FAM120B: variants seen among roughly 807,000 people sequenced by gnomAD.
The protein encoded by FAM120B is constitutive coactivator of peroxisome proliferator-activated receptor gamma.
A neutral mutation model predicts 96.3 loss-of-function variants in FAM120B; 83 were observed. That is an observed-to-expected ratio of 0.86 (90% confidence interval 0.72 to 1.03). FAM120B has a LOEUF of 1.03. FAM120B is among the 50% of genes least tolerant of loss of function. The pLI is 0.00. For missense variants in FAM120B, 1,027 were observed against 1,121.2 expected (o/e 0.92, Z 1.20); for synonymous variants, 407 against 402.7 (o/e 1.01, Z -0.13).
At chr6:170,376,486 G>T (rs923633385) in intron 6 of FAM120B, among the ~76,000 whole-genome samples, 2 of 151,982 alleles carry the variant, frequency 1.3e-5, no homozygotes, top group Non-Finnish European at 2.9e-5. Context: ...ACGGGGGTGG[G>T]GGGGAGGCGG....
At position 170,317,678 on chromosome 6, in the gene FAM120B, TAAGA is replaced by T; in HGVS notation, c.289_292del (p.Lys97GlufsTer5). ...TCTTTGATGGCATGGTGGAGCAGGATAAGAGAGATGAATGGGTGAAACGAAGGCT... is the reference window on the plus strand; with the variant it reads ...TCTTTGATGGCATGGTGGAGCAGGATGAGATGAATGGGTGAAACGAAGGCT... On this transcript the variant is annotated frameshift_variant, in exon 2 of 11. Transcript: ENST00000476287. LOFTEE classifies it high-confidence loss of function. The T allele has an allele frequency of 6.2e-7, 1 of 1,614,136 alleles. No homozygotes were observed. The highest frequency in any genetic ancestry group is 8.5e-7 in the Non-Finnish European group (1 of 1,180,032).
chr6:170,389,069 A>G (rs1035788621), intron 7 of FAM120B, among the ~76,000 whole-genome samples: 12 of 152,160 alleles, frequency 7.9e-5, no homozygotes, highest in African/African-American at 2.9e-4. Flanking sequence ...AGAAGGAGGA[A>G]GAGGGGTGGG....
At chr6:170,400,278 A>G (rs890238399) in intron 9 of FAM120B, among the ~76,000 whole-genome samples, 11 of 152,060 alleles carry the variant, frequency 7.2e-5, no homozygotes, top group Admixed American at 3.3e-4. Flanking sequence ...GAACTATGTC[A>G]TAAGCCTTAG....
intron 1 of FAM120B, among the ~76,000 whole-genome samples, chr6:170,311,752 G>A (rs1216404676): frequency 6.6e-6 from 1 of 152,200 alleles, no homozygotes; most frequent in Non-Finnish European, 1.5e-5. Flanking sequence ...ACATAAAGGT[G>A]CTTGCTGAAT....
chr6:170,358,914 G>A (rs922877241), intron 6 of FAM120B, among the ~76,000 whole-genome samples: 3 of 152,208 alleles, frequency 2.0e-5, no homozygotes, highest in Non-Finnish European at 4.4e-5. Flanking sequence ...GTGGACCTGG[G>A]TACTGGGTGT....
intron 6 of FAM120B, among the ~76,000 whole-genome samples, chr6:170,387,195 A>G (rs1245635807): frequency 2.0e-5 from 3 of 152,234 alleles, no homozygotes; most frequent in South Asian, 2.1e-4. Context: ...TTTAGGGTAT[A>G]GTAGTGCTGT....
chr6:170,355,503 G>A (rs530728228), intron 5 of FAM120B, among the ~76,000 whole-genome samples: 35 of 152,204 alleles, frequency 2.3e-4, no homozygotes, highest in Admixed American at 1.6e-3. Context: ...ACTTATAAGG[G>A]GGAGCTGAAT....
intron 4 of FAM120B, among the ~76,000 whole-genome samples, chr6:170,344,843 A>G (rs571541677): frequency 1.3e-5 from 2 of 152,020 alleles, no homozygotes; most frequent in African/African-American, 2.4e-5. Context: ...GTGTGCTCCT[A>G]TTGCACTTGG....
intron 4 of FAM120B, chr6:170,330,961 T>G (rs901175147): frequency 1.8e-5 from 3 of 165,346 alleles, no homozygotes; most frequent in Non-Finnish European, 3.9e-5. Flanking sequence ...CAATCTTACC[T>G]TCTCCCCACC....
At chr6:170,387,805 A>G (rs1174354735) in intron 6 of FAM120B, among the ~76,000 whole-genome samples, 2 of 152,220 alleles carry the variant, frequency 1.3e-5, no homozygotes, top group African/African-American at 2.4e-5. Flanking sequence ...AATAAACTTA[A>G]TAGTGTCTAA....
At chr6:170,354,390 G>A (rs1241245514) in intron 5 of FAM120B, among the ~76,000 whole-genome samples, 3 of 152,082 alleles carry the variant, frequency 2.0e-5, no homozygotes, top group African/African-American at 7.2e-5. Flanking sequence ...AACACCAAAA[G>A]CAATTGCAAC....
At chr6:170,290,752 C>T (rs1783844589), upstream of FAM120B, 5 of 458,336 alleles carry the variant, frequency 1.1e-5, no homozygotes, top group Non-Finnish European at 2.0e-5. The surrounding 1 kb of genome is among the most constrained non-coding windows in gnomAD (Gnocchi z 4.7). Context: ...CTCCGATCTC[C>T]GGTGTCACAG....
intron 9 of FAM120B, among the ~76,000 whole-genome samples, chr6:170,397,987 G>A (rs1308212139): frequency 6.6e-6 from 1 of 152,338 alleles, no homozygotes; most frequent in Non-Finnish European, 1.5e-5. Context: ...CTTTGGCTTG[G>A]GGTTGCCCCC....
chr6:170,305,211 A>G (rs1406957107), upstream of FAM120B, among the ~76,000 whole-genome samples: 2 of 152,014 alleles, frequency 1.3e-5, no homozygotes, highest in Non-Finnish European at 2.9e-5. Flanking sequence ...ACTCCTTACA[A>G]TATGTTTCAC....
At chr6:170,372,788 CTG>C (rs1414988056) in intron 6 of FAM120B, among the ~76,000 whole-genome samples, 1 of 152,192 alleles carries the variant, frequency 6.6e-6, no homozygotes, top group Non-Finnish European at 1.5e-5. Flanking sequence ...TTCTGTAAGA[CTG>C]TGCCCAACTA....
chr6:170,324,136 G>T (rs751837178), intron 3 of FAM120B, among the ~76,000 whole-genome samples: 6 of 152,104 alleles, frequency 3.9e-5, no homozygotes, highest in Non-Finnish European at 8.8e-5. Flanking sequence ...AATATTAACC[G>T]TACTCTGTTG....
chr6:170,398,219 T>A (rs762059860), intron 9 of FAM120B, among the ~76,000 whole-genome samples: 1 of 152,262 alleles, frequency 6.6e-6, no homozygotes, highest in Non-Finnish European at 1.5e-5. Context: ...CTGGATAACC[T>A]TGAGTGTCCT....
chr6:170,403,877 AC>A (rs1187274235), intron 9 of FAM120B, among the ~76,000 whole-genome samples: 2 of 152,006 alleles, frequency 1.3e-5, no homozygotes, highest in African/African-American at 4.8e-5. Context: ...CTCCTTTCAC[AC>A]CTTCTGCCGG....
intron 6 of FAM120B, among the ~76,000 whole-genome samples, chr6:170,361,607 T>C (rs1008657215): frequency 6.6e-6 from 1 of 152,104 alleles, no homozygotes; most frequent in African/African-American, 2.4e-5. Context: ...GTGCCAGTTA[T>C]GTGTTTGCCA....
Sources: allele counts gnomAD v4.1 joint callset (sites outside exome capture counted in the v4.1 genomes callset), GRCh38; gene constraint gnomAD v4.1.1; non-coding constraint Gnocchi (gnomAD v3.1); transcripts MANE v1.5; gene names NCBI Gene and HGNC (gene_info 2026-07-23, HGNC 2026-07-21).